Variants in IL1RL1 observed in about 807,000 individuals in gnomAD.
The protein encoded by IL1RL1 is interleukin-1 receptor-like 1.
Under a neutral mutation model 50.9 loss-of-function variants are expected in IL1RL1, and 32 were observed. The observed-to-expected ratio is 0.63, with a 90% CI of 0.47 to 0.84. The LOEUF is 0.84. Ranked by LOEUF, IL1RL1 falls within the 40% of genes least tolerant of loss-of-function variation. IL1RL1 has a pLI of 0.00. For missense variants in IL1RL1, 773 were observed against 662.9 expected, an observed-to-expected ratio of 1.17 and a Z score of -1.82; for synonymous variants, 275 against 236.0, an observed-to-expected ratio of 1.17 and a Z score of -1.51.
intron 1 of IL1RL1, among the ~76,000 whole-genome samples, chr2:102,333,654 G>T (rs1021766236): frequency 2.6e-5 from 4 of 152,192 alleles, no homozygotes; most frequent in South Asian, 2.1e-4. Context: ...TGTTACAAAG[G>T]TATATTGCAT....
chr2:102,311,943 A>T (rs1676501677), intron 1 of IL1RL1, among the ~76,000 whole-genome samples: 3 of 38,412 alleles, frequency 7.8e-5, no homozygotes, highest in African/African-American at 1.2e-4. Context: ...TATATATAAT[A>T]TTATATATAA....
intron 9 of IL1RL1, 85 bp downstream of exon 9, chr2:102,348,176 T>G (rs1486603735): frequency 3.7e-6 from 4 of 1,079,818 alleles, no homozygotes; most frequent in African/African-American, 3.2e-5. Flanking sequence ...TTTCAGTAGC[T>G]AGGCTGCTAA....
rs760436854 is a variant in IL1RL1 at position 102,339,044 on chromosome 2, G to A, written c.269G>A (p.Arg90Lys). The change falls in exon 3 of 11, where the codon AGA becomes AAA. Residue 90 changes from arginine (R) to lysine (K), a missense_variant. Coordinates refer to ENST00000233954, the MANE Select transcript of IL1RL1 (RefSeq NM_016232.5). ...TCTGGTATTTATACCTGTATTGTCA[G>A]AAGGTATTATGCAGAAGGCTCCCAT... ...ADSGIYTCIV[R>K]SPTFNRTGYA... The A allele has an allele frequency of 6.2e-7, 1 of 1,607,952 alleles. No homozygotes were observed. Among genetic ancestry groups the A allele is most frequent in the South Asian group, 1.1e-5 (1 of 90,998 alleles).
chr2:102,312,845 A>G (rs868464101), intron 1 of IL1RL1: 3 of 152,198 alleles, frequency 2.0e-5, no homozygotes, highest in Admixed American at 6.5e-5. Context: ...AGAGGTAAAC[A>G]TAGCAGAACT....
rs928019158 is a variant in IL1RL1 at position 102,322,525 on chromosome 2, A to G, written c.-150+10902A>G. ...ATGATAAAATATTGGCAAGGCCTCCAGTGGACATTTATCGTGTTGTGACAG... is the reference window on the plus strand; with the variant it reads ...ATGATAAAATATTGGCAAGGCCTCCGGTGGACATTTATCGTGTTGTGACAG... On this transcript the variant is annotated intron_variant, in intron 1 of 10. Transcript: ENST00000233954. 2.6e-5 allele frequency among the ~76,000 whole-genome samples: 4 copies of G among 152,334 alleles called. No individual in the cohort carries two copies. The East Asian group carries it at 7.7e-4, about 29-fold the overall frequency.
chr2:102,326,244 G>A (rs1321085136), intron 1 of IL1RL1, among the ~76,000 whole-genome samples: 1 of 152,088 alleles, frequency 6.6e-6, no homozygotes, highest in African/African-American at 2.4e-5. Context: ...TTCATATCTA[G>A]CCAAACTAAG....
intron 1 of IL1RL1, among the ~76,000 whole-genome samples, chr2:102,323,275 T>TATATATATATATATATATATA (rs1559596435): frequency 2.4e-3 from 69 of 28,610 alleles, no homozygotes; most frequent in African/African-American, 8.1e-3. Context: ...ATATATATAG[T>TATATATATATATATATATATA]GTGTGTGTGT....
intron 1 of IL1RL1, among the ~76,000 whole-genome samples, chr2:102,312,247 TA>T (rs1676539263): frequency 6.8e-6 from 1 of 146,054 alleles, no homozygotes; most frequent in Non-Finnish European, 1.5e-5. Flanking sequence ...TTTGGTGCCT[TA>T]TGCAAATGAA....
rs765548823 is a variant in IL1RL1 at position 102,343,391 on chromosome 2, G to A, written c.946G>A (p.Val316Ile). The change falls in exon 8 of 11, where the codon GTA (valine) becomes ATA (isoleucine). Residue 316 changes from valine to isoleucine, a missense_variant. Physicochemically the swap from Val to Ile is conservative, Grantham distance 29. Coordinates refer to ENST00000233954, the MANE Select transcript of IL1RL1 (RefSeq NM_016232.5). ...LNLHGLRRHTVRLSRKNPIDH... is the reference protein window; with the variant it reads ...LNLHGLRRHTIRLSRKNPIDH... ...TTTGCATGGCTTGAGAAGGCACACC[G>A]TAAGACTAAGTAGGAAAAATCCAAG... 28 of 1,614,080 alleles carry A rather than the reference G, an allele frequency of 1.7e-5. No individual in the cohort carries two copies. The highest frequency in any genetic ancestry group is 6.7e-5 in the African/African-American group (5 of 74,928).
intron 1 of IL1RL1, among the ~76,000 whole-genome samples, chr2:102,311,918 T>TAA (rs1559591980): frequency 8.9e-4 from 31 of 34,850 alleles, no homozygotes; most frequent in African/African-American, 3.6e-3. Context: ...ATATATTTTA[T>TAA]TATATAATAT....
intron 10 of IL1RL1, among the ~76,000 whole-genome samples, chr2:102,350,371 T>A (rs1183484893): frequency 1.3e-5 from 2 of 152,262 alleles, no homozygotes; most frequent in African/African-American, 2.4e-5. Flanking sequence ...ACCCAGATGC[T>A]AGCTCTCTCA....
chr2:102,322,035 C>G (rs1676851724), intron 1 of IL1RL1, among the ~76,000 whole-genome samples: 1 of 152,122 alleles, frequency 6.6e-6, no homozygotes, highest in Admixed American at 6.5e-5. Context: ...TATCTATACT[C>G]TCTCTATCTA....
intron 1 of IL1RL1, among the ~76,000 whole-genome samples, chr2:102,327,908 C>A (rs1573138604): frequency 6.6e-6 from 1 of 152,138 alleles, no homozygotes; most frequent in African/African-American, 2.4e-5. Flanking sequence ...GGATTCACAG[C>A]CGAATTCTAC....
intron 1 of IL1RL1, among the ~76,000 whole-genome samples, chr2:102,333,807 A>G (rs559713713): frequency 6.6e-6 from 1 of 152,162 alleles, no homozygotes; most frequent in East Asian, 1.9e-4. Flanking sequence ...CCCATGGTTT[A>G]GCTCCCACAT....
rs183715570 is a variant in IL1RL1 at position 102,324,951 on chromosome 2, C to G, written c.-149-13165C>G. Reference sequence around the variant, plus strand: ...CAGGGCATAGCTAAACAAAAGGCAGCAGAAACCTCTGCAGACTTAAATGAA... The same window carrying G: ...CAGGGCATAGCTAAACAAAAGGCAGGAGAAACCTCTGCAGACTTAAATGAA... On this transcript the variant is annotated intron_variant, in intron 1 of 10. Coordinates refer to ENST00000233954, the MANE Select transcript of IL1RL1 (RefSeq NM_016232.5). Among the ~76,000 whole-genome samples the G allele has an allele frequency of 4.1e-3, 629 of 152,278 alleles. 3 individuals carry two copies. The highest frequency in any genetic ancestry group is 6.8e-3 in the Non-Finnish European group (460 of 68,014).
intron 1 of IL1RL1, among the ~76,000 whole-genome samples, chr2:102,316,579 T>G (rs1301380561): frequency 2.0e-5 from 3 of 152,202 alleles, no homozygotes; most frequent in African/African-American, 7.2e-5. Context: ...GTTTAATTTT[T>G]ATAAAAAAGA....
chr2:102,345,153 T>C (rs1677735913), intron 8 of IL1RL1: 2 of 918,644 alleles, frequency 2.2e-6, no homozygotes, highest in Non-Finnish European at 2.6e-6. Flanking sequence ...GTCATTGTGC[T>C]TTTTATCATC....
chr2:102,338,539 G>A (rs986716900), intron 2 of IL1RL1, among the ~76,000 whole-genome samples: 1 of 152,132 alleles, frequency 6.6e-6, no homozygotes, highest in Non-Finnish European at 1.5e-5. Flanking sequence ...ATATTCAAAT[G>A]CAGCAGAATT....
intron 9 of IL1RL1, among the ~76,000 whole-genome samples, chr2:102,348,547 A>G (rs1310039252): frequency 6.6e-6 from 1 of 152,218 alleles, no homozygotes; most frequent in Non-Finnish European, 1.5e-5. Flanking sequence ...AAGCATGTGC[A>G]TGAAAGGAGT....
Sources: gnomAD v4.1 joint callset for allele counts (sites outside exome capture counted in the v4.1 genomes callset) on GRCh38, gnomAD v4.1.1 for gene constraint, MANE v1.5 for transcripts, NCBI Gene and HGNC (gene_info 2026-07-23, HGNC 2026-07-21) for gene names.